Variants in ARID3A observed in about 807,000 individuals in gnomAD.
ARID3A encodes AT-rich interactive domain-containing protein 3A.
A neutral mutation model predicts 52.7 loss-of-function variants in ARID3A; 11 were observed. The ratio of observed to expected loss-of-function variants is 0.21; its 90% confidence interval spans 0.13 to 0.35. ARID3A has a LOEUF of 0.35. Ranked by LOEUF, ARID3A falls within the 10% of genes least tolerant of loss-of-function variation. ARID3A has a pLI of 1.00. For synonymous variants in ARID3A, 404 were observed against 359.4 expected, an observed-to-expected ratio of 1.12 and a Z score of -1.40; for missense variants, 721 against 838.5, an observed-to-expected ratio of 0.86 and a Z score of 1.73.
At chr19:971,740 T>C in intron 8 of ARID3A, 138 bp from the exon 9 acceptor site, 1 of 1,124,408 alleles carries the variant, frequency 8.9e-7, no homozygotes, top group African/African-American at 1.6e-5. Context: ...TGAGCTCTGA[T>C]GCCACCACTG....
intron 3 of ARID3A, among the ~76,000 whole-genome samples, chr19:937,868 A>G (rs2037469424): frequency 6.6e-6 from 1 of 151,484 alleles, no homozygotes; most frequent in African/African-American, 2.4e-5. Flanking sequence ...CACCACGCCC[A>G]GCTAATTTTT....
At chr19:952,135 G>C (rs896498799) in intron 3 of ARID3A, among the ~76,000 whole-genome samples, 1 of 149,890 alleles carries the variant, frequency 6.7e-6, no homozygotes, top group South Asian at 2.1e-4. Context: ...AGCGAGACTC[G>C]GTCTCAAAAC....
chr19:931,116 A>G lies in ARID3A; in HGVS notation c.368+1220A>G, dbSNP rs1360638791. Among the ~76,000 whole-genome samples the G allele has an allele frequency of 2.0e-5, 3 of 151,902 alleles. No homozygotes were observed. The East Asian group carries it at 5.8e-4, about 30-fold the overall frequency. On this transcript the variant is annotated intron_variant, in intron 2 of 8. Transcript: ENST00000263620. ...CAAGACCAGCCTGGGCAACCTAGTG[A>G]GGCCCCATTTCTACAAAAAGTACAA...
rs2145390924 is a variant in ARID3A, at chr19:942,776, C to T, written c.693+10034C>T. On this transcript the variant is annotated intron_variant, in intron 3 of 8. Transcript: ENST00000263620. The surrounding 1 kb of genome is among the most constrained non-coding windows in gnomAD (Gnocchi z 8.1). ...GCCCAGATTCCATGCCCAGCAGCCTCCTCTGCCACCCTCAGAGACGGAGAA... is the reference window on the plus strand; with the variant it reads ...GCCCAGATTCCATGCCCAGCAGCCTTCTCTGCCACCCTCAGAGACGGAGAA... Among the ~76,000 whole-genome samples, 1 of 152,332 alleles carries T rather than the reference C, an allele frequency of 6.6e-6. No individual in the cohort carries two copies. Among genetic ancestry groups the T allele is most frequent in the African/African-American group, 2.4e-5 (1 of 41,582 alleles).
rs1165872125 is a variant in ARID3A, at chr19:929,501, T to G, written c.-28T>G. 1 of 1,288,856 alleles carries G rather than the reference T, an allele frequency of 7.8e-7. No homozygotes were observed. The allele number at this position is 1,288,856 out of a possible 1,614,324, so 79.8% of individuals were successfully genotyped here. ...GCGCCCGTGGTGGTGGTGGTGGTGGTGGTGGTGGTGGCCCGGGCCGCAGGG... is the reference window on the plus strand; with the variant it reads ...GCGCCCGTGGTGGTGGTGGTGGTGGGGGTGGTGGTGGCCCGGGCCGCAGGG... On this transcript the variant is annotated 5_prime_UTR_variant, in exon 2 of 9. Transcript: ENST00000263620. The surrounding 1 kb of genome is among the most constrained non-coding windows in gnomAD (Gnocchi z 6.2).
Position 942,366 on chromosome 19 carries a change from G to C in ARID3A, c.693+9624G>C, listed in dbSNP as rs996970501. On this transcript the variant is annotated intron_variant, in intron 3 of 8. Coordinates refer to ENST00000263620, the MANE Select transcript of ARID3A (RefSeq NM_005224.3). The surrounding 1 kb of genome is among the most constrained non-coding windows in gnomAD (Gnocchi z 8.1). ...GGTGGCACCCAGGGGCGTCACCCACGAGGGACGCTTGACTCAAGGTCCTCT... is the reference window on the plus strand; with the variant it reads ...GGTGGCACCCAGGGGCGTCACCCACCAGGGACGCTTGACTCAAGGTCCTCT... Among the ~76,000 whole-genome samples the C allele has an allele frequency of 6.6e-6, 1 of 152,166 alleles. No homozygotes were observed. Among genetic ancestry groups the C allele is most frequent in the African/African-American group, 2.4e-5 (1 of 41,444 alleles).
Position 929,644 on chromosome 19 carries a change from C to T in ARID3A, c.116C>T (p.Ala39Val), listed in dbSNP as rs2037275385. 1 of 1,533,096 alleles carries T rather than the reference C, an allele frequency of 6.5e-7. No homozygotes were observed. The allele number at this position is 1,533,096 out of a possible 1,614,324, so 95.0% of individuals were successfully genotyped here. A position where few individuals can be genotyped will look rare whatever the true frequency, so the allele number is the denominator to read the frequency against. ...CCCCCTGCTGCACCCCCCGGCCGGG[C>T]CCGGGCTGCCCCCGACGAGGACAGA... ...PDPPAAPPGRARAAPDEDREP... is the reference protein window; with the variant it reads ...PDPPAAPPGRVRAAPDEDREP... Residue 39 changes from alanine (A) to valine (V), a missense_variant, in exon 2 of 9, where the codon GCC becomes GTC. Transcript: ENST00000263620. The surrounding 1 kb of genome is among the most constrained non-coding windows in gnomAD (Gnocchi z 6.2).
In ARID3A at chr19:942,271, G is replaced by A. The variant is rs967237872; in HGVS notation, c.693+9529G>A. Reference sequence around the variant, plus strand: ...AAAGGGCTGAAGTCCAGGTCCCTTCGATGGCCCAAATTACCTGACTGTCGA... The same window carrying A: ...AAAGGGCTGAAGTCCAGGTCCCTTCAATGGCCCAAATTACCTGACTGTCGA... On this transcript the variant is annotated intron_variant, in intron 3 of 8. Transcript: ENST00000263620. This position sits in a 1 kb window ranked among gnomAD's most constrained non-coding sequence, Gnocchi z 8.1. Among the ~76,000 whole-genome samples the A allele has an allele frequency of 6.6e-6, 1 of 152,186 alleles. No individual in the cohort carries two copies. The highest frequency in any genetic ancestry group is 1.5e-5 in the Non-Finnish European group (1 of 68,020).
At position 972,137 on chromosome 19, in the gene ARID3A, A is replaced by C; in HGVS notation, c.*72A>C. On this transcript the variant is annotated 3_prime_UTR_variant, in exon 9 of 9. Coordinates refer to ENST00000263620, the MANE Select transcript of ARID3A (RefSeq NM_005224.3). ...GGCAGGGGGTCCAGGTGGGCCACACAGGGGCCAGGATGGCGGAAGATACGG... is the reference window on the plus strand; with the variant it reads ...GGCAGGGGGTCCAGGTGGGCCACACCGGGGCCAGGATGGCGGAAGATACGG... The C allele has an allele frequency of 7.1e-7, 1 of 1,399,016 alleles. No homozygotes were observed. Among genetic ancestry groups the C allele is most frequent in the Non-Finnish European group, 9.5e-7 (1 of 1,057,444 alleles). The allele number at this position is 1,399,016 out of a possible 1,614,324, so 86.7% of individuals were successfully genotyped here.
chr19:936,886 C>A (rs1431570128), intron 3 of ARID3A, among the ~76,000 whole-genome samples: 1 of 151,666 alleles, frequency 6.6e-6, no homozygotes, highest in Non-Finnish European at 1.5e-5. Flanking sequence ...ACTATTATCC[C>A]CCTATTCTAC....
intron 3 of ARID3A, among the ~76,000 whole-genome samples, chr19:939,270 C>G (rs1275320121): frequency 1.3e-5 from 2 of 152,082 alleles, no homozygotes; most frequent in Admixed American, 1.3e-4. Flanking sequence ...AGGCGCCCAC[C>G]ACCACACCCA....
At chr19:934,453 G>A (rs367874408) in intron 3 of ARID3A, among the ~76,000 whole-genome samples, 14 of 152,240 alleles carry the variant, frequency 9.2e-5, no homozygotes, top group Middle Eastern at 3.2e-3. Context: ...GGGCGACACC[G>A]CGGGTCAGGG....
chr19:955,627 T>C (rs1245004391), intron 3 of ARID3A, among the ~76,000 whole-genome samples: 1 of 152,098 alleles, frequency 6.6e-6, no homozygotes. Flanking sequence ...AGCTGCTGTG[T>C]TTTCTCACAC....
intron 3 of ARID3A, among the ~76,000 whole-genome samples, chr19:949,288 C>G (rs1266668516): frequency 6.6e-6 from 1 of 152,066 alleles, no homozygotes; most frequent in Non-Finnish European, 1.5e-5. Flanking sequence ...GCCAAGGCCC[C>G]CAGGGACCCT....
rs753425199 is a variant in ARID3A at position 947,706 on chromosome 19, G to T, written c.694-12386G>T. 2.6e-5 allele frequency among the ~76,000 whole-genome samples: 4 copies of T among 152,184 alleles called. No individual in the cohort carries two copies. Among genetic ancestry groups the T allele is most frequent in the Admixed American group, 6.5e-5 (1 of 15,282 alleles). On this transcript the variant is annotated intron_variant, in intron 3 of 8. Coordinates refer to ENST00000263620, the MANE Select transcript of ARID3A (RefSeq NM_005224.3). This position sits in a 1 kb window ranked among gnomAD's most constrained non-coding sequence, Gnocchi z 6.3. ...AGCACCTTCACCACGCCAGCTTCCC[G>T]GGCCGCGCTTCATTGTCATTTCTGG...
chr19:950,436 C>T (rs1047043115), intron 3 of ARID3A, among the ~76,000 whole-genome samples: 2 of 152,114 alleles, frequency 1.3e-5, no homozygotes, highest in Admixed American at 6.6e-5. Flanking sequence ...AGCCTGAGCC[C>T]GGGAAGGTGC....
At chr19:935,140 C>A (rs966786663) in intron 3 of ARID3A, among the ~76,000 whole-genome samples, 1 of 152,346 alleles carries the variant, frequency 6.6e-6, no homozygotes, top group Non-Finnish European at 1.5e-5. Context: ...CGCTTGGCAC[C>A]GTCTCTGCCT....
chr19:938,179 G>A lies in ARID3A; in HGVS notation c.693+5437G>A, dbSNP rs1385847290. The stretch of plus-strand genomic sequence containing the variant: ...TTTTGATCCTAGCCTCCTTGTGGGG[G>A]TGGCGTGGTTTCTCACTGTGGTTCT... On this transcript the variant is annotated intron_variant, in intron 3 of 8. Coordinates refer to ENST00000263620, the MANE Select transcript of ARID3A (RefSeq NM_005224.3). The surrounding 1 kb of genome is among the most constrained non-coding windows in gnomAD (Gnocchi z 4.0). Among the ~76,000 whole-genome samples the A allele has an allele frequency of 1.3e-5, 2 of 152,158 alleles. No individual in the cohort carries two copies. Among genetic ancestry groups the A allele is most frequent in the Non-Finnish European group, 2.9e-5 (2 of 68,032 alleles).
chr19:954,718 C>T (rs1247853271), intron 3 of ARID3A, among the ~76,000 whole-genome samples: 3 of 151,996 alleles, frequency 2.0e-5, no homozygotes, highest in African/African-American at 7.3e-5. Flanking sequence ...ACGGGGGGCT[C>T]CCCTCCAGGG....
Sources: allele counts gnomAD v4.1 joint callset (sites outside exome capture counted in the v4.1 genomes callset), GRCh38; gene constraint gnomAD v4.1.1; non-coding constraint Gnocchi (gnomAD v3.1); transcripts MANE v1.5; gene names NCBI Gene and HGNC (gene_info 2026-07-23, HGNC 2026-07-21).